Variants in ENPEP observed in about 807,000 individuals in gnomAD.
The protein encoded by ENPEP is AP-A.
A neutral mutation model predicts 114.5 loss-of-function variants in ENPEP; 103 were observed. The observed-to-expected ratio is 0.90, with a 90% CI of 0.77 to 1.06. ENPEP has a LOEUF of 1.06. Among genes scored for constraint, ENPEP ranks in the 50% least tolerant of loss-of-function variants. The probability of loss-of-function intolerance (pLI) is 0.00; values close to 1 mark genes in which losing one functional copy is unlikely to be tolerated. For synonymous variants in ENPEP, 420 were observed against 422.0 expected (o/e 1.00, Z 0.06); for missense variants, 1,196 against 1,161.3 (o/e 1.03, Z -0.43).
At chr4:110,510,493 G>T (rs1200281075) in intron 6 of ENPEP, 135 bp downstream of exon 6, 10 of 719,360 alleles carry the variant, frequency 1.4e-5, no homozygotes, top group Non-Finnish European at 2.1e-5. Flanking sequence ...GTGAGGATAG[G>T]GTGGAGCCAG....
rs554308681 is a variant in ENPEP, at chr4:110,536,215, G to A, written c.1807+4938G>A. Among the ~76,000 whole-genome samples the A allele has an allele frequency of 8.3e-4, 126 of 152,086 alleles. 2 individuals carry two copies. In the South Asian group the frequency reaches 0.025, roughly 30 times the overall value. On this transcript the variant is annotated intron_variant, in intron 11 of 19. Coordinates refer to ENST00000265162, the MANE Select transcript of ENPEP (RefSeq NM_001977.4). ...TAGTGTGATATATTGCATTAGCCAG[G>A]TGAGTCTAATTATTGCACTTTAGAA...
chr4:110,559,789 AT>A, intron 19 of ENPEP, 64 bp downstream of exon 19: 1 of 1,351,788 alleles, frequency 7.4e-7, no homozygotes, highest in Non-Finnish European at 1.0e-6. Flanking sequence ...TTTAAAAAAA[AT>A]TTTACTTTAA....
At position 110,548,297 on chromosome 4, in the gene ENPEP, G is replaced by A; in HGVS notation, c.2122G>A (p.Asp708Asn). Reference protein sequence around the residue: ...AVTYIISMFEDDKELYPMIEE... With the variant: ...AVTYIISMFENDKELYPMIEE... ...AACCTACATCATTAGCATGTTTGAAGATGATAAAGAGCTATATCCTATGAT... is the reference window on the plus strand; with the variant it reads ...AACCTACATCATTAGCATGTTTGAAAATGATAAAGAGCTATATCCTATGAT... The change falls in exon 14 of 20, where the codon GAT (aspartate) becomes AAT (asparagine). Residue 708 changes from aspartate (D) to asparagine (N), a missense_variant. Coordinates refer to ENST00000265162, the MANE Select transcript of ENPEP (RefSeq NM_001977.4). 1 of 1,603,050 alleles carries A rather than the reference G, an allele frequency of 6.2e-7. No individual in the cohort carries two copies.
At chr4:110,558,950 A>G (rs180886391) in intron 18 of ENPEP, among the ~76,000 whole-genome samples, 1 of 152,312 alleles carries the variant, frequency 6.6e-6, no homozygotes, top group East Asian at 1.9e-4. Context: ...TAAATAGCCT[A>G]TATTTAAATT....
At chr4:110,498,679 G>T (rs1025501892) in intron 3 of ENPEP, among the ~76,000 whole-genome samples, 4 of 152,168 alleles carry the variant, frequency 2.6e-5, no homozygotes, top group African/African-American at 7.2e-5. Flanking sequence ...ATCATGCAGG[G>T]CCCTGCCTGG....
At chr4:110,500,587 G>A (rs1405761019) in intron 3 of ENPEP, among the ~76,000 whole-genome samples, 1 of 151,952 alleles carries the variant, frequency 6.6e-6, no homozygotes, top group Non-Finnish European at 1.5e-5. Flanking sequence ...GTAGACATAC[G>A]AACTTTATAT....
chr4:110,509,276 C>T (rs1725486256), intron 4 of ENPEP, among the ~76,000 whole-genome samples: 2 of 152,316 alleles, frequency 1.3e-5, no homozygotes, highest in Admixed American at 6.5e-5. Context: ...TATCTATACA[C>T]TTGGAAGCTC....
In ENPEP at chr4:110,488,621, C is replaced by T. The variant is rs200540684; in HGVS notation, c.725C>T (p.Thr242Ile). ...PCFDEPNKKATYTISITHPKE... is the reference protein window; with the variant it reads ...PCFDEPNKKAIYTISITHPKE... ...TTTGATGAGCCCAACAAAAAGGCAA[C>T]TTATACAATATCTATCACCCATCCC... Residue 242 changes from threonine to isoleucine, a missense_variant, in exon 2 of 20, where the codon ACT (threonine) becomes ATT (isoleucine). By Grantham distance (89) the Thr-to-Ile change is moderately conservative. Coordinates refer to ENST00000265162, the MANE Select transcript of ENPEP (RefSeq NM_001977.4). 114 of 1,613,838 alleles carry T rather than the reference C, an allele frequency of 7.1e-5. 1 individual carries two copies. The highest frequency in any genetic ancestry group is 9.7e-5 in the Non-Finnish European group (114 of 1,179,946).
rs376420283 is a variant in ENPEP at position 110,525,398 on chromosome 4, T to C, written c.1727+5032T>C. ...TAGCACATCACTAGTCCTCTGGACGTTGTTCCCATTTCACCCATGCCCAGT... is the reference window on the plus strand; with the variant it reads ...TAGCACATCACTAGTCCTCTGGACGCTGTTCCCATTTCACCCATGCCCAGT... On this transcript the variant is annotated intron_variant, in intron 10 of 19. Transcript: ENST00000265162. Among the ~76,000 whole-genome samples the C allele has an allele frequency of 4.6e-5, 7 of 152,312 alleles. No individual in the cohort carries two copies. In the South Asian group the frequency reaches 1.5e-3, roughly 32 times the overall value.
chr4:110,528,495 A>C (rs1156371987), intron 10 of ENPEP, among the ~76,000 whole-genome samples: 1 of 152,204 alleles, frequency 6.6e-6, no homozygotes, highest in Non-Finnish European at 1.5e-5. Flanking sequence ...CTGTGAGTTC[A>C]ATGATCTTCT....
In ENPEP at chr4:110,548,199, T is replaced by A; in HGVS notation, c.2024T>A (p.Val675Glu). The A allele has an allele frequency of 7.3e-7, 1 of 1,375,180 alleles. No individual in the cohort carries two copies. 85.2% of individuals were successfully genotyped at this position (1,375,180 alleles called of 1,614,324 possible). A position where few individuals can be genotyped will look rare whatever the true frequency, so the allele number is the denominator to read the frequency against. The change falls in exon 14 of 20, where the codon GTG (valine) becomes GAG (glutamate). Residue 675 changes from valine (V) to glutamate (E), a missense_variant. Physicochemically the swap from Val to Glu is moderately radical, Grantham distance 121 (BLOSUM62 -2). Transcript: ENST00000265162. ...LARAQLLDYK[V>E]ALNLTKYLKR... The stretch of plus-strand genomic sequence containing the variant: ...AGAGCTCAACTTCTAGATTATAAGG[T>A]GGCTTTGAACTTGACCAAGTATCTC...
chr4:110,528,474 G>T (rs1726281804), intron 10 of ENPEP, among the ~76,000 whole-genome samples: 1 of 152,208 alleles, frequency 6.6e-6, no homozygotes, highest in Admixed American at 6.5e-5. Flanking sequence ...AGTGTGGCCA[G>T]TTAAGTTGTA....
intron 13 of ENPEP, among the ~76,000 whole-genome samples, chr4:110,544,555 C>A (rs1726979327): frequency 1.3e-5 from 2 of 152,110 alleles, no homozygotes; most frequent in Admixed American, 1.3e-4. Context: ...ATGTGCCAGG[C>A]ACTGTGTAGA....
In ENPEP at chr4:110,476,267, CG is replaced by C; in HGVS notation, c.-147del. ...GAACGTGAAAAGGGAGAGGAAAAGG[CG>C]CAAGAAGCCAGAGAGAGGGGTGTGG... On this transcript the variant is annotated 5_prime_UTR_variant, in exon 1 of 20. Transcript: ENST00000265162. 1 of 938,942 alleles carries C rather than the reference CG, an allele frequency of 1.1e-6. No homozygotes were observed. The highest frequency in any genetic ancestry group is 1.5e-6 in the Non-Finnish European group (1 of 652,692). 58.2% of individuals were successfully genotyped at this position (938,942 alleles called of 1,614,324 possible).
chr4:110,550,885 T>C (rs986214047), intron 17 of ENPEP, among the ~76,000 whole-genome samples: 2 of 152,028 alleles, frequency 1.3e-5, no homozygotes, highest in African/African-American at 4.8e-5. Context: ...GTAGAGCCAA[T>C]AATATACCTT....
chr4:110,548,395 AGAGAAGGAGCTCTTGG>A (rs1727161535), intron 14 of ENPEP, 69 bp downstream of exon 14: 1 of 1,326,190 alleles, frequency 7.5e-7, no homozygotes, highest in Non-Finnish European at 9.9e-7. Flanking sequence ...ATGCTTTCTG[AGAGAAGGAGCTCTTGG>A]GGACCTAAAC....
chr4:110,558,270 T>TTTTATA (rs1727554801), intron 18 of ENPEP, among the ~76,000 whole-genome samples: 1 of 141,706 alleles, frequency 7.1e-6, no homozygotes, highest in African/African-American at 2.6e-5. Context: ...TTTATAAAAA[T>TTTTATA]TATATATATA....
intron 11 of ENPEP, among the ~76,000 whole-genome samples, chr4:110,541,023 A>C (rs1337323415): frequency 2.0e-5 from 3 of 152,124 alleles, no homozygotes; most frequent in African/African-American, 4.8e-5. Flanking sequence ...TTCTCCTGTA[A>C]CATATGGCTT....
In ENPEP at chr4:110,553,423, G is replaced by A. The variant is rs148232326; in HGVS notation, c.2610G>A (p.Trp870Ter). Residue 870 changes from tryptophan (W) to a stop codon, truncating the protein, a stop_gained, in exon 18 of 20, where the codon TGG becomes TGA. Transcript: ENST00000265162. LOFTEE classifies it high-confidence loss of function. The part of the protein sequence containing the change: ...NSYGKNMAWN[W>*]IQLNWDYLVN... ...ATGGGAAGAACATGGCCTGGAATTG[G>A]ATACAACTCAACTGGGACTATCTAG... The A allele has an allele frequency of 2.8e-5, 45 of 1,610,572 alleles. No homozygotes were observed. The highest frequency in any genetic ancestry group is 3.3e-4 in the Middle Eastern group (2 of 6,070).
Sources: allele counts gnomAD v4.1 joint callset (sites outside exome capture counted in the v4.1 genomes callset), GRCh38; gene constraint gnomAD v4.1.1; transcripts MANE v1.5; gene names NCBI Gene and HGNC (gene_info 2026-07-23, HGNC 2026-07-21).